Variants in MAML3 observed in about 807,000 individuals in gnomAD.
MAML3 encodes the protein mastermind-like protein 3.
In MAML3, 27 loss-of-function variants were observed where a neutral mutation model predicts 101.9. The ratio of observed to expected loss-of-function variants is 0.27; its 90% CI spans 0.20 to 0.37. The LOEUF is 0.37. Among genes scored for constraint, MAML3 ranks in the 10% least tolerant of loss-of-function variants. The pLI is 1.00. For synonymous variants in MAML3, 501 were observed against 555.9 expected, an observed-to-expected ratio of 0.90 and a Z score of 1.39; for missense variants, 1,316 against 1,444.9, an observed-to-expected ratio of 0.91 and a Z score of 1.45.
At chr4:139,919,585 G>T (rs1371429021) in intron 1 of MAML3, among the ~76,000 whole-genome samples, 1 of 152,148 alleles carries the variant, frequency 6.6e-6, no homozygotes. Flanking sequence ...GAATCTCTGC[G>T]TGGATTCTGC....
intron 1 of MAML3, among the ~76,000 whole-genome samples, chr4:140,124,803 TGG>T (rs1728660380): frequency 6.6e-6 from 1 of 152,196 alleles, no homozygotes; most frequent in Non-Finnish European, 1.5e-5. Flanking sequence ...AGAAAAGCCC[TGG>T]TGCAGGTGGC....
At chr4:139,874,944 C>T (rs1485042740) in intron 2 of MAML3, among the ~76,000 whole-genome samples, 1 of 151,912 alleles carries the variant, frequency 6.6e-6, no homozygotes, top group Non-Finnish European at 1.5e-5. Flanking sequence ...GCTGGAATTA[C>T]AGGCGTCTGC....
chr4:139,939,072 C>T (rs1045576726), intron 1 of MAML3, among the ~76,000 whole-genome samples: 1 of 152,196 alleles, frequency 6.6e-6, no homozygotes, highest in Non-Finnish European at 1.5e-5. Context: ...CTTTCGGGAA[C>T]ACATGATACC....
At chr4:139,984,693 C>A (rs1051208754) in intron 1 of MAML3, among the ~76,000 whole-genome samples, 1 of 152,216 alleles carries the variant, frequency 6.6e-6, no homozygotes, top group Non-Finnish European at 1.5e-5. Flanking sequence ...GGCAGGCCAG[C>A]ATGCTGAAAA....
At chr4:139,867,685 A>C (rs1276686996) in intron 2 of MAML3, among the ~76,000 whole-genome samples, 2 of 152,256 alleles carry the variant, frequency 1.3e-5, no homozygotes, top group Non-Finnish European at 1.5e-5. Context: ...CCTACCTAAA[A>C]TAATAATGAT....
intron 1 of MAML3, among the ~76,000 whole-genome samples, chr4:140,036,997 G>T (rs552629056): frequency 6.6e-6 from 1 of 152,106 alleles, no homozygotes; most frequent in Admixed American, 6.5e-5. Flanking sequence ...ATATCAGACT[G>T]ATATTGTCAC....
intron 1 of MAML3, among the ~76,000 whole-genome samples, chr4:139,979,586 G>T (rs538771437): frequency 6.6e-6 from 1 of 152,310 alleles, no homozygotes; most frequent in African/African-American, 2.4e-5. Flanking sequence ...AGGTAACAGG[G>T]CCTTTAAGAG....
At chr4:139,761,387 A>T (rs1543067) in intron 2 of MAML3, among the ~76,000 whole-genome samples, 3 of 152,264 alleles carry the variant, frequency 2.0e-5, no homozygotes, top group South Asian at 2.1e-4. Context: ...GAGAGTCTGG[A>T]GGGGGCGTTA....
chr4:139,822,945 G>C (rs892716527), intron 2 of MAML3, among the ~76,000 whole-genome samples: 1 of 152,204 alleles, frequency 6.6e-6, no homozygotes, highest in South Asian at 2.1e-4. Flanking sequence ...CCAGGCAGGG[G>C]CCTGGGGGTA....
intron 1 of MAML3, among the ~76,000 whole-genome samples, chr4:139,948,487 T>A (rs1171041292): frequency 6.6e-6 from 1 of 152,246 alleles, no homozygotes; most frequent in Non-Finnish European, 1.5e-5. Flanking sequence ...TCATTATTAA[T>A]ACTCTGGAAA....
chr4:139,775,419 G>A (rs1410429684), intron 2 of MAML3, among the ~76,000 whole-genome samples: 1 of 152,232 alleles, frequency 6.6e-6, no homozygotes, highest in Admixed American at 6.5e-5. Flanking sequence ...GGGAGCTGCT[G>A]GGACACATTA....
intron 1 of MAML3, among the ~76,000 whole-genome samples, chr4:140,130,883 C>G (rs1728782079): frequency 6.6e-6 from 1 of 152,122 alleles, no homozygotes; most frequent in African/African-American, 2.4e-5. Flanking sequence ...GCGCTGGCCA[C>G]TCACCCATAA....
At chr4:140,062,818 G>C (rs1303404360) in intron 1 of MAML3, among the ~76,000 whole-genome samples, 1 of 152,212 alleles carries the variant, frequency 6.6e-6, no homozygotes, top group African/African-American at 2.4e-5. Flanking sequence ...TGGTTATGTA[G>C]AAGTCTTTTC....
chr4:139,844,483 A>C (rs1731409709), intron 2 of MAML3, among the ~76,000 whole-genome samples: 1 of 152,212 alleles, frequency 6.6e-6, no homozygotes, highest in Admixed American at 6.5e-5. Flanking sequence ...AAGGCATCCT[A>C]CTTCACCAAG....
chr4:140,094,698 C>G (rs1403461976), intron 1 of MAML3, among the ~76,000 whole-genome samples: 1 of 152,200 alleles, frequency 6.6e-6, no homozygotes, highest in Non-Finnish European at 1.5e-5. Flanking sequence ...GTAACTTTCT[C>G]TTCTTCTGGG....
chr4:139,882,551 A>G (rs1365735416), intron 2 of MAML3, among the ~76,000 whole-genome samples: 1 of 152,174 alleles, frequency 6.6e-6, no homozygotes, highest in Non-Finnish European at 1.5e-5. Flanking sequence ...TGTGTTTTCT[A>G]AACTGTAACT....
intron 1 of MAML3, among the ~76,000 whole-genome samples, chr4:140,107,866 G>A (rs916190262): frequency 6.6e-6 from 1 of 151,006 alleles, no homozygotes; most frequent in Non-Finnish European, 1.5e-5. Context: ...AAAAAATGAC[G>A]GTGGGGTGAG....
At chr4:139,851,742 T>C (rs967301628) in intron 2 of MAML3, among the ~76,000 whole-genome samples, 1 of 152,224 alleles carries the variant, frequency 6.6e-6, no homozygotes, top group Non-Finnish European at 1.5e-5. Context: ...ATGGCTATGC[T>C]TGCAGACTGT....
At chr4:139,870,004 C>T (rs998465683) in intron 2 of MAML3, among the ~76,000 whole-genome samples, 8 of 152,176 alleles carry the variant, frequency 5.3e-5, no homozygotes, top group African/African-American at 1.9e-4. Context: ...ACCATATGAC[C>T]TTAAACAGAC....
Sources: gnomAD v4.1 joint callset for allele counts (sites outside exome capture counted in the v4.1 genomes callset) on GRCh38, gnomAD v4.1.1 for gene constraint, MANE v1.5 for transcripts, NCBI Gene and HGNC (gene_info 2026-07-23, HGNC 2026-07-21) for gene names.